The following ASIC2 variants were observed in gnomAD, a reference collection of about 807,000 sequenced individuals.
ASIC2 encodes acid-sensing ion channel 2.
Under a neutral mutation model 57.3 loss-of-function variants are expected in ASIC2, and 25 were observed. The ratio of observed to expected loss-of-function variants is 0.44; its 90% confidence interval spans 0.32 to 0.61. The LOEUF is 0.61. Ranked by LOEUF, ASIC2 falls within the 20% of genes least tolerant of loss-of-function variation. The probability of loss-of-function intolerance (pLI) is 0.06; values close to 1 mark genes in which losing one functional copy is unlikely to be tolerated. For synonymous variants in ASIC2, 319 were observed against 307.5 expected, an observed-to-expected ratio of 1.04 and a Z score of -0.39; for missense variants, 641 against 738.1, an observed-to-expected ratio of 0.87 and a Z score of 1.52.
chr17:33,333,240 T>G (rs957625339), intron 1 of ASIC2, among the ~76,000 whole-genome samples: 6 of 152,206 alleles, frequency 3.9e-5, no homozygotes, highest in Admixed American at 3.9e-4. Flanking sequence ...ATCCATTCAC[T>G]TTGACCAAGT....
chr17:33,509,253 G>A (rs1336657471), intron 1 of ASIC2, among the ~76,000 whole-genome samples: 1 of 152,168 alleles, frequency 6.6e-6, no homozygotes, highest in African/African-American at 2.4e-5. Flanking sequence ...TTAGCATGTA[G>A]GTAATGGGGA....
intron 1 of ASIC2, among the ~76,000 whole-genome samples, chr17:33,504,060 T>G (rs543573770): frequency 1.6e-4 from 25 of 152,346 alleles, no homozygotes; most frequent in African/African-American, 5.5e-4. Context: ...GACAATCCCC[T>G]AGGAACTGGG....
chr17:33,213,185 A>C (rs1171000988), intron 1 of ASIC2, among the ~76,000 whole-genome samples: 1 of 152,202 alleles, frequency 6.6e-6, no homozygotes, highest in African/African-American at 2.4e-5. Flanking sequence ...CACAGGGGGA[A>C]GCTCCAATGC....
At chr17:33,970,377 G>T (rs1047151682) in intron 1 of ASIC2, among the ~76,000 whole-genome samples, 31 of 152,268 alleles carry the variant, frequency 2.0e-4, no homozygotes, top group African/African-American at 7.5e-4. Flanking sequence ...GCTCTCCTTG[G>T]TCTCTGCCTA....
intron 1 of ASIC2, among the ~76,000 whole-genome samples, chr17:33,575,948 A>G (rs971497518): frequency 1.2e-4 from 19 of 152,196 alleles, no homozygotes; most frequent in Admixed American, 9.8e-4. Context: ...TTGTTAACAC[A>G]TGAAAATAAA....
chr17:33,869,352 C>A (rs1914329500), intron 1 of ASIC2, among the ~76,000 whole-genome samples: 1 of 152,212 alleles, frequency 6.6e-6, no homozygotes, highest in Non-Finnish European at 1.5e-5. Context: ...ATCAACCTGG[C>A]AGTTCCTCAA....
intron 1 of ASIC2, among the ~76,000 whole-genome samples, chr17:33,151,274 T>C (rs996649943): frequency 6.6e-6 from 1 of 150,938 alleles, no homozygotes; most frequent in Non-Finnish European, 1.5e-5. Context: ...CTCTGGAGGC[T>C]GAGGCAGAAA....
At chr17:33,597,509 A>G (rs1415765305) in intron 1 of ASIC2, among the ~76,000 whole-genome samples, 2 of 152,188 alleles carry the variant, frequency 1.3e-5, no homozygotes, top group Admixed American at 6.5e-5. Flanking sequence ...TCACTTCTAT[A>G]TATATGACTT....
At chr17:33,953,141 G>GA (rs36077685) in intron 1 of ASIC2, among the ~76,000 whole-genome samples, 2,251 of 151,880 alleles carry the variant, frequency 0.015, 73 homozygotes, top group African/African-American at 0.051. Flanking sequence ...ATTTAAAATT[G>GA]AAAAAAATAA....
At chr17:33,916,329 C>G (rs1915584237) in intron 1 of ASIC2, among the ~76,000 whole-genome samples, 1 of 152,100 alleles carries the variant, frequency 6.6e-6, no homozygotes, top group Non-Finnish European at 1.5e-5. Flanking sequence ...CCTTGGGCTA[C>G]TAAGTACCGG....
intron 1 of ASIC2, chr17:34,002,038 C>G (rs1022787554): frequency 2.6e-5 from 4 of 152,262 alleles, no homozygotes; most frequent in African/African-American, 9.6e-5. Flanking sequence ...TCACATCCCT[C>G]AAGATTCAAA....
In ASIC2 at chr17:33,031,162, T is replaced by C. The variant is rs376787534; in HGVS notation, c.988-2770A>G. Among the ~76,000 whole-genome samples the C allele has an allele frequency of 2.6e-5, 4 of 152,316 alleles. No homozygotes were observed. In the South Asian group the frequency reaches 8.3e-4, roughly 32 times the overall value. On this transcript the variant is annotated intron_variant, in intron 3 of 9. Transcript: ENST00000225823. ...GTGATTGTGTGTATGCGTGTGAAGA[T>C]TTTTAATTATGAATTCAACTCTTTT...
intron 3 of ASIC2, among the ~76,000 whole-genome samples, chr17:33,066,056 G>A (rs905389697): frequency 4.6e-5 from 7 of 152,072 alleles, no homozygotes; most frequent in African/African-American, 1.4e-4. Context: ...CCACCATGGC[G>A]GGACACCTGG....
intron 1 of ASIC2, among the ~76,000 whole-genome samples, chr17:33,929,521 T>C (rs1915888210): frequency 6.6e-6 from 1 of 152,182 alleles, no homozygotes; most frequent in Admixed American, 6.5e-5. Flanking sequence ...GTATACAGGC[T>C]TCCCTGCTGA....
intron 1 of ASIC2, among the ~76,000 whole-genome samples, chr17:33,466,482 A>G (rs34365032): frequency 0.2 from 30,369 of 151,444 alleles, 3,263 homozygotes; most frequent in Middle Eastern, 0.25. Context: ...CAGAATTGGG[A>G]AAAAAAAACC....
intron 1 of ASIC2, among the ~76,000 whole-genome samples, chr17:33,762,655 C>T (rs953007246): frequency 6.6e-6 from 1 of 152,206 alleles, no homozygotes; most frequent in African/African-American, 2.4e-5. Flanking sequence ...CTGGCCATAG[C>T]CGTTGCACAG....
chr17:33,604,937 A>G (rs565376989), intron 1 of ASIC2, among the ~76,000 whole-genome samples: 31 of 152,178 alleles, frequency 2.0e-4, no homozygotes, highest in Admixed American at 1.2e-3. Flanking sequence ...ACCCCAGCCT[A>G]GAACCTTCAT....
At chr17:33,762,324 C>G (rs1345134017) in intron 1 of ASIC2, among the ~76,000 whole-genome samples, 1 of 152,118 alleles carries the variant, frequency 6.6e-6, no homozygotes, top group Admixed American at 6.5e-5. Context: ...CAGCTCATAC[C>G]CCATTCTCCA....
intron 1 of ASIC2, among the ~76,000 whole-genome samples, chr17:33,716,703 C>A (rs1034888046): frequency 6.6e-6 from 1 of 152,116 alleles, no homozygotes; most frequent in Non-Finnish European, 1.5e-5. Flanking sequence ...AGATTCTTCT[C>A]CTCATGCCAT....
Sources: gnomAD v4.1 joint callset for allele counts (sites outside exome capture counted in the v4.1 genomes callset) on GRCh38, gnomAD v4.1.1 for gene constraint, MANE v1.5 for transcripts, NCBI Gene and HGNC (gene_info 2026-07-23, HGNC 2026-07-21) for gene names.